The following KIAA0825 variants were observed in gnomAD, a reference collection of about 807,000 sequenced individuals.
The protein encoded by KIAA0825 is KIAA0825.
Under a neutral mutation model 147.6 loss-of-function variants are expected in KIAA0825, and 119 were observed. The observed-to-expected ratio is 0.81, with a 90% CI of 0.69 to 0.94. The LOEUF (loss-of-function observed/expected upper bound fraction) is 0.94, where lower values mean the gene tolerates loss of function less well. Ranked by LOEUF, KIAA0825 falls within the 40% of genes least tolerant of loss-of-function variation. The probability of loss-of-function intolerance (pLI) is 0.00; values close to 1 mark genes in which losing one functional copy is unlikely to be tolerated. For missense variants in KIAA0825, 1,381 were observed against 1,472.7 expected, an observed-to-expected ratio of 0.94 and a Z score of 1.02; for synonymous variants, 470 against 518.1, an observed-to-expected ratio of 0.91 and a Z score of 1.26.
chr5:94,606,635 A>C (rs1787541334), intron 1 of KIAA0825, among the ~76,000 whole-genome samples: 1 of 152,230 alleles, frequency 6.6e-6, no homozygotes, highest in Non-Finnish European at 1.5e-5. Context: ...ATTTTTGACA[A>C]AGAAACTATC....
At chr5:94,575,836 A>C (rs953545349) in intron 2 of KIAA0825, among the ~76,000 whole-genome samples, 1 of 152,236 alleles carries the variant, frequency 6.6e-6, no homozygotes, top group African/African-American at 2.4e-5. Flanking sequence ...GGATTTCTGC[A>C]GGCCAGGGAC....
At chr5:94,599,031 T>C (rs1423400829) in intron 1 of KIAA0825, among the ~76,000 whole-genome samples, 1 of 152,172 alleles carries the variant, frequency 6.6e-6, no homozygotes, top group Admixed American at 6.5e-5. Context: ...TATTTTCAGT[T>C]TTTCTTTTTA....
intron 12 of KIAA0825, among the ~76,000 whole-genome samples, chr5:94,456,378 C>A (rs1759115291): frequency 6.6e-6 from 1 of 152,174 alleles, no homozygotes; most frequent in Non-Finnish European, 1.5e-5. Flanking sequence ...ACTACCCTTT[C>A]TAAAATATAT....
chr5:94,608,100 T>C (rs562079917), intron 1 of KIAA0825, among the ~76,000 whole-genome samples: 7 of 152,028 alleles, frequency 4.6e-5, no homozygotes, highest in African/African-American at 1.7e-4. Flanking sequence ...CATAACATAG[T>C]CTCAGGTTCT....
At chr5:94,269,064 A>G (rs537478862) in intron 20 of KIAA0825, among the ~76,000 whole-genome samples, 1 of 152,286 alleles carries the variant, frequency 6.6e-6, no homozygotes, top group African/African-American at 2.4e-5. Context: ...CCTATTACAT[A>G]CAAAGTAATA....
chr5:94,275,389 G>A (rs1366193269), intron 20 of KIAA0825, among the ~76,000 whole-genome samples: 1 of 152,062 alleles, frequency 6.6e-6, no homozygotes, highest in Non-Finnish European at 1.5e-5. Flanking sequence ...AAAACATAAA[G>A]TAATATAGTT....
At position 94,395,919 on chromosome 5, in the gene KIAA0825, C is replaced by A. The variant is rs138623046; in HGVS notation, c.3296+182G>T. Among the ~76,000 whole-genome samples the A allele has an allele frequency of 1.1e-4, 16 of 151,754 alleles. No individual in the cohort carries two copies. In the East Asian group the frequency reaches 3.1e-3, roughly 29 times the overall value. ...CAATGGGGTTCACATTTTAAGAAGA[C>A]AAGAAATGTGCAACAATCCAATTTT... On this transcript the variant is annotated intron_variant, in intron 17 of 20. Transcript: ENST00000682413.
intron 2 of KIAA0825, among the ~76,000 whole-genome samples, chr5:94,548,418 C>CA (rs1774884275): frequency 6.6e-6 from 1 of 151,616 alleles, no homozygotes; most frequent in African/African-American, 2.4e-5. Flanking sequence ...AGTGGATACA[C>CA]AAAAAATAAA....
At chr5:94,305,383 GCA>G (rs1778658889) in intron 20 of KIAA0825, among the ~76,000 whole-genome samples, 1 of 151,840 alleles carries the variant, frequency 6.6e-6, no homozygotes, top group Non-Finnish European at 1.5e-5. Context: ...GGTACCATCA[GCA>G]CACAGTGTTT....
chr5:94,421,132 T>G (rs929770550), intron 14 of KIAA0825, among the ~76,000 whole-genome samples: 1 of 152,220 alleles, frequency 6.6e-6, no homozygotes, highest in Non-Finnish European at 1.5e-5. Flanking sequence ...CCAGACACTT[T>G]ATGTTTTGCA....
chr5:94,183,825 A>G (rs1436671009), intron 20 of KIAA0825, among the ~76,000 whole-genome samples: 1 of 152,218 alleles, frequency 6.6e-6, no homozygotes, highest in East Asian at 1.9e-4. Flanking sequence ...TCTATCCTTT[A>G]TAATATCCTT....
At chr5:94,448,466 C>T (rs915152507) in intron 13 of KIAA0825, among the ~76,000 whole-genome samples, 5 of 151,878 alleles carry the variant, frequency 3.3e-5, no homozygotes, top group African/African-American at 9.7e-5. Context: ...TCCTTCTCAG[C>T]CACTTTTAAT....
At chr5:94,585,650 G>C (rs1401022424) in intron 1 of KIAA0825, among the ~76,000 whole-genome samples, 2 of 152,066 alleles carry the variant, frequency 1.3e-5, no homozygotes, top group Non-Finnish European at 2.9e-5. Context: ...AAATTAACAA[G>C]GATATCCAGG....
intron 2 of KIAA0825, among the ~76,000 whole-genome samples, chr5:94,555,995 C>A (rs1233808079): frequency 2.0e-5 from 3 of 151,592 alleles, no homozygotes; most frequent in Non-Finnish European, 4.4e-5. Flanking sequence ...TTTTAAAAGG[C>A]AGTTTTGTAT....
intron 2 of KIAA0825, among the ~76,000 whole-genome samples, chr5:94,553,347 G>T (rs1448942217): frequency 2.0e-5 from 3 of 151,224 alleles, no homozygotes; most frequent in Admixed American, 2.0e-4. Flanking sequence ...GGCTGAGGCA[G>T]GAGAATCGCT....
At chr5:94,550,155 C>T (rs184091049) in intron 2 of KIAA0825, among the ~76,000 whole-genome samples, 85 of 152,264 alleles carry the variant, frequency 5.6e-4, no homozygotes, top group South Asian at 1.2e-3. Context: ...CACAGAAAGA[C>T]AAACATCATA....
chr5:94,205,318 T>G (rs1772085649), intron 20 of KIAA0825, among the ~76,000 whole-genome samples: 1 of 146,826 alleles, frequency 6.8e-6, no homozygotes, highest in Admixed American at 6.8e-5. Context: ...TGTTTTGTTT[T>G]TGAGACGGAG....
rs1022812863 is a variant in KIAA0825, at chr5:94,152,553, G to T, written c.*1454C>A. Among the ~76,000 whole-genome samples the T allele has an allele frequency of 1.3e-5, 2 of 150,764 alleles. No individual in the cohort carries two copies. The highest frequency in any genetic ancestry group is 2.4e-5 in the African/African-American group (1 of 40,940). On this transcript the variant is annotated 3_prime_UTR_variant, in exon 21 of 21. Coordinates refer to ENST00000682413, the MANE Select transcript of KIAA0825 (RefSeq NM_001145678.3). ...AACATTTTAAAAATTAACCAGGTGT[G>T]GTGGCACACAACTGTAGTTCTAGCT...
chr5:94,449,634 TAAC>T (rs1758144636), intron 13 of KIAA0825, among the ~76,000 whole-genome samples: 1 of 152,052 alleles, frequency 6.6e-6, no homozygotes, highest in African/African-American at 2.4e-5. Context: ...ATTCAAGAAA[TAAC>T]AACAGCTGGA....
Sources: allele counts gnomAD v4.1 joint callset (sites outside exome capture counted in the v4.1 genomes callset), GRCh38; gene constraint gnomAD v4.1.1; transcripts MANE v1.5; gene names NCBI Gene and HGNC (gene_info 2026-07-23, HGNC 2026-07-21).